The following HERC3 variants were observed in gnomAD, a reference collection of about 807,000 sequenced individuals.
The protein encoded by HERC3 is probable E3 ubiquitin-protein ligase HERC3.
HERC3 carries 58 observed loss-of-function variants against 129.9 expected under a neutral mutation model. The observed-to-expected ratio is 0.45, with a 90% CI of 0.36 to 0.56. The LOEUF is 0.56. Among genes scored for constraint, HERC3 ranks in the 20% least tolerant of loss-of-function variants. The pLI is 0.00. For synonymous variants in HERC3, 430 were observed against 451.0 expected (o/e 0.95, Z 0.59); for missense variants, 835 against 1,244.2 (o/e 0.67, Z 4.95).
intron 10 of HERC3, 124 bp from the exon 11 acceptor site, chr4:88,662,307 G>A: frequency 1.1e-6 from 1 of 919,416 alleles, no homozygotes; most frequent in Admixed American, 2.8e-5. Flanking sequence ...GGGGATCTGG[G>A]CGGCACACTG....
At chr4:88,658,381 G>C in intron 9 of HERC3, 34 bp from the exon 10 acceptor site, 1 of 1,299,052 alleles carries the variant, frequency 7.7e-7, no homozygotes, top group Non-Finnish European at 1.1e-6. Flanking sequence ...TTCAATTAAT[G>C]AAAAATATGC....
chr4:88,651,079 A>C (rs938930733), intron 4 of HERC3, among the ~76,000 whole-genome samples: 1 of 152,220 alleles, frequency 6.6e-6, no homozygotes, highest in African/African-American at 2.4e-5. Flanking sequence ...GGAGAGGAAG[A>C]GTGGCAGTAA....
chr4:88,578,455 G>C, the HERC3 span, among the ~76,000 whole-genome samples: 2 of 151,878 alleles, frequency 1.3e-5, no homozygotes, highest in Admixed American at 6.6e-5. Flanking sequence ...GGAGGGGGGC[G>C]CCTGTAGTCC....
rs1219939769 is a variant in HERC3, at chr4:88,686,818, GTTTAC to G, written c.2574+19_2574+23del. 1.9e-6 allele frequency: 3 copies of G among 1,567,884 alleles called. No individual in the cohort carries two copies. The African/African-American group carries it at 4.1e-5, about 21-fold the overall frequency. ...CAACTTCACGGTAAGAATTTCCACA[GTTTAC>G]TTAGGATTGTGGCTGTCTCTCTTAC... On this transcript the variant is annotated intron_variant, in intron 22 of 25. Transcript: ENST00000402738.
At chr4:88,575,322 G>A in the HERC3 span, among the ~76,000 whole-genome samples, 1 of 152,122 alleles carries the variant, frequency 6.6e-6, no homozygotes, top group Non-Finnish European at 1.5e-5. Context: ...GCTAAAAACC[G>A]TGTTCCCTAA....
At chr4:88,669,686 C>G (rs1731411375) in intron 14 of HERC3, among the ~76,000 whole-genome samples, 174 bp from the exon 15 acceptor site, 1 of 152,148 alleles carries the variant, frequency 6.6e-6, no homozygotes, top group Non-Finnish European at 1.5e-5. Flanking sequence ...TCTTTTACAG[C>G]TGTTGTTCTC....
chr4:88,707,141 T>A lies in HERC3; in HGVS notation c.*181T>A. ...AGCAGTAAACAACCTTTTTGAAAAATTAGAGGTTGGGGATGGGGTGAAAAA... is the reference window on the plus strand; with the variant it reads ...AGCAGTAAACAACCTTTTTGAAAAAATAGAGGTTGGGGATGGGGTGAAAAA... On this transcript the variant is annotated 3_prime_UTR_variant, in exon 26 of 26. Coordinates refer to ENST00000402738, the MANE Select transcript of HERC3 (RefSeq NM_014606.3). The A allele has an allele frequency of 1.6e-6, 1 of 609,490 alleles. No individual in the cohort carries two copies. The highest frequency in any genetic ancestry group is 2.9e-6 in the Non-Finnish European group (1 of 349,136). 37.8% of individuals were successfully genotyped at this position (609,490 alleles called of 1,614,324 possible).
chr4:88,558,293 A>G, the HERC3 span, among the ~76,000 whole-genome samples: 1 of 152,184 alleles, frequency 6.6e-6, no homozygotes, highest in Admixed American at 6.5e-5. Flanking sequence ...AATGTGGTAT[A>G]TATACACCAT....
chr4:88,701,264 A>G (rs933179704), intron 23 of HERC3, among the ~76,000 whole-genome samples: 1 of 152,218 alleles, frequency 6.6e-6, no homozygotes, highest in Non-Finnish European at 1.5e-5. Context: ...AAGATTGCAC[A>G]GTTATACCAT....
At chr4:88,580,153 T>G in the HERC3 span, among the ~76,000 whole-genome samples, 50 of 152,266 alleles carry the variant, frequency 3.3e-4, no homozygotes, top group African/African-American at 1.2e-3. Context: ...AACGACAGTG[T>G]TTGATGATTG....
the HERC3 span, among the ~76,000 whole-genome samples, chr4:88,576,726 T>G: frequency 6.6e-6 from 1 of 152,188 alleles, no homozygotes; most frequent in Non-Finnish European, 1.5e-5. Context: ...CAAATTTATT[T>G]TAAAATGCTC....
rs1429132701 is a variant in HERC3, at chr4:88,631,711, G to A, written c.227-18129G>A. Among the ~76,000 whole-genome samples the A allele has an allele frequency of 2.6e-5, 4 of 152,306 alleles. No individual in the cohort carries two copies. The East Asian group carries it at 7.7e-4, about 29-fold the overall frequency. On this transcript the variant is annotated intron_variant, in intron 3 of 25. Coordinates refer to ENST00000402738, the MANE Select transcript of HERC3 (RefSeq NM_014606.3). Reference sequence around the variant, plus strand: ...CATATTTAGTTTTTGAAACATTCATGGGAGAGCTGTGCCTTTATTTTTTCA... The same window carrying A: ...CATATTTAGTTTTTGAAACATTCATAGGAGAGCTGTGCCTTTATTTTTTCA...
At chr4:88,551,420 C>G in the HERC3 span, among the ~76,000 whole-genome samples, 5 of 148,430 alleles carry the variant, frequency 3.4e-5, no homozygotes, top group Non-Finnish European at 7.4e-5. Flanking sequence ...CTACAATGAA[C>G]TCAAACAAAT....
intron 2 of HERC3, among the ~76,000 whole-genome samples, chr4:88,599,357 T>A (rs1237791814): frequency 6.6e-6 from 1 of 152,224 alleles, no homozygotes; most frequent in African/African-American, 2.4e-5. Flanking sequence ...ACATCTTTTT[T>A]GTGGTTGCTA....
chr4:88,648,373 A>G (rs1009399801), intron 3 of HERC3, among the ~76,000 whole-genome samples: 2 of 152,208 alleles, frequency 1.3e-5, no homozygotes, highest in African/African-American at 4.8e-5. Context: ...TGAGAAAAGC[A>G]GTATGGGAGG....
At chr4:88,594,622 T>G (rs1278118314) in intron 1 of HERC3, among the ~76,000 whole-genome samples, 1 of 152,224 alleles carries the variant, frequency 6.6e-6, no homozygotes. Context: ...TTTGCCATGT[T>G]GCTCAGGCTG....
upstream of HERC3, among the ~76,000 whole-genome samples, chr4:88,591,403 CT>C (rs1721700747): frequency 6.6e-6 from 1 of 152,184 alleles, no homozygotes. Flanking sequence ...ACTTTCTTTT[CT>C]ACTTGGTCAG....
At chr4:88,693,225 C>T in intron 23 of HERC3, 2 of 978,734 alleles carry the variant, frequency 2.0e-6, no homozygotes, top group Non-Finnish European at 2.4e-6. Flanking sequence ...TTTAATAAGA[C>T]TATATCAAGT....
At chr4:88,654,308 G>A (rs533005349) in intron 7 of HERC3, among the ~76,000 whole-genome samples, 175 bp downstream of exon 7, 2 of 139,378 alleles carry the variant, frequency 1.4e-5, no homozygotes, top group Non-Finnish European at 3.1e-5. Flanking sequence ...CTACTTTTTT[G>A]TATGTCTCTG....
Sources: gnomAD v4.1 joint callset for allele counts (sites outside exome capture counted in the v4.1 genomes callset) on GRCh38, gnomAD v4.1.1 for gene constraint, MANE v1.5 for transcripts, NCBI Gene and HGNC (gene_info 2026-07-23, HGNC 2026-07-21) for gene names.